KCNIP4: variants seen among roughly 807,000 people sequenced by gnomAD.
KCNIP4 encodes the protein Kv channel-interacting protein 4.
In KCNIP4, 12 loss-of-function variants were observed where a neutral mutation model predicts 34.0. The observed-to-expected ratio is 0.35, with a 90% CI of 0.23 to 0.57. The LOEUF (loss-of-function observed/expected upper bound fraction) is 0.57, where lower values mean the gene tolerates loss of function less well. KCNIP4 is among the 20% of genes least tolerant of loss of function. KCNIP4 has a pLI of 0.83. For synonymous variants in KCNIP4, 124 were observed against 102.2 expected (o/e 1.21, Z -1.29); for missense variants, 238 against 311.7 (o/e 0.76, Z 1.78).
In KCNIP4 at chr4:21,571,892, A is replaced by G. The variant is rs79139855; in HGVS notation, c.61+376679T>C. On this transcript the variant is annotated intron_variant, in intron 1 of 8. Transcript: ENST00000382152. ...CTTTGCTGAGTATTTTGCTTACATT[A>G]ATACCCCATTATCTAATCAAACTCA... Among the ~76,000 whole-genome samples, 245 of 152,312 alleles carry G rather than the reference A, an allele frequency of 1.6e-3. 1 individual carries two copies. Among genetic ancestry groups the G allele is most frequent in the African/African-American group, 5.5e-3 (230 of 41,576 alleles).
chr4:21,761,042 AAG>A (rs1718015256), intron 1 of KCNIP4, among the ~76,000 whole-genome samples: 2 of 152,146 alleles, frequency 1.3e-5, no homozygotes, highest in Non-Finnish European at 2.9e-5. Context: ...AACTGACTAT[AAG>A]AATAGGTTGA....
At chr4:21,232,139 G>A (rs1295465529) in intron 1 of KCNIP4, among the ~76,000 whole-genome samples, 4 of 152,082 alleles carry the variant, frequency 2.6e-5, no homozygotes, top group African/African-American at 7.2e-5. Context: ...TCATGTGTTG[G>A]AGACAAATGT....
chr4:20,893,518 G>A (rs1726169860), intron 1 of KCNIP4, among the ~76,000 whole-genome samples: 1 of 151,998 alleles, frequency 6.6e-6, no homozygotes, highest in Non-Finnish European at 1.5e-5. Context: ...GAACTCCTGG[G>A]CTCAAGTGAT....
intron 1 of KCNIP4, among the ~76,000 whole-genome samples, chr4:21,063,289 C>T (rs546119139): frequency 1.3e-5 from 2 of 152,058 alleles, no homozygotes; most frequent in Non-Finnish European, 2.9e-5. Flanking sequence ...TTATGGCTAG[C>T]TTTAACAGGT....
intron 1 of KCNIP4, among the ~76,000 whole-genome samples, chr4:21,758,848 C>T (rs543533894): frequency 1.3e-5 from 2 of 152,174 alleles, no homozygotes; most frequent in East Asian, 3.9e-4. Context: ...ACCTCCACTG[C>T]CCACTTGCAA....
intron 2 of KCNIP4, among the ~76,000 whole-genome samples, chr4:20,875,701 TTAAC>T (rs1250367745): frequency 6.6e-6 from 1 of 152,132 alleles, no homozygotes; most frequent in African/African-American, 2.4e-5. Context: ...ATGAGATTAA[TTAAC>T]TGTCAGAGGT....
rs1471465074 is a variant in KCNIP4, at chr4:21,609,294, C to T, written c.61+339277G>A. On this transcript the variant is annotated intron_variant, in intron 1 of 8. Coordinates refer to ENST00000382152, the MANE Select transcript of KCNIP4 (RefSeq NM_025221.6). ...TGTATGTGTGTTTGAATAAGGCATA[C>T]TGATATTATGTATTGGTCAACCACA... 2.6e-5 allele frequency among the ~76,000 whole-genome samples: 4 copies of T among 152,114 alleles called. No individual in the cohort carries two copies. The East Asian group carries it at 7.7e-4, about 29-fold the overall frequency.
chr4:21,234,268 A>T (rs1298674133), intron 1 of KCNIP4, among the ~76,000 whole-genome samples: 2 of 116,796 alleles, frequency 1.7e-5, no homozygotes, highest in Admixed American at 1.0e-4. Context: ...TAACATATAT[A>T]ACATATATTA....
chr4:21,493,895 C>T (rs960807377), intron 1 of KCNIP4, among the ~76,000 whole-genome samples: 1 of 152,184 alleles, frequency 6.6e-6, no homozygotes, highest in African/African-American at 2.4e-5. Context: ...GTGGCTCAAG[C>T]ACTATTATCT....
intron 1 of KCNIP4, among the ~76,000 whole-genome samples, chr4:21,648,067 G>A (rs1333660457): frequency 1.3e-5 from 2 of 151,474 alleles, no homozygotes; most frequent in East Asian, 2.0e-4. Flanking sequence ...TGGAGATGGG[G>A]TTTCACCGTG....
chr4:21,721,095 G>C (rs1315453126), intron 1 of KCNIP4, among the ~76,000 whole-genome samples: 1 of 152,100 alleles, frequency 6.6e-6, no homozygotes, highest in African/African-American at 2.4e-5. Flanking sequence ...TTTAACACTA[G>C]AGCCTTAGTT....
intron 1 of KCNIP4, among the ~76,000 whole-genome samples, chr4:21,073,648 C>T (rs933312034): frequency 2.0e-5 from 3 of 152,270 alleles, no homozygotes; most frequent in Non-Finnish European, 4.4e-5. Context: ...TGCCTGATTG[C>T]CCTGCCCAGA....
chr4:20,801,656 T>C (rs1300099569), intron 3 of KCNIP4, among the ~76,000 whole-genome samples: 1 of 152,022 alleles, frequency 6.6e-6, no homozygotes, highest in East Asian at 1.9e-4. Flanking sequence ...GTAAGCCTCA[T>C]GGTAACTGCA....
At chr4:21,814,422 T>C (rs561436529) in intron 1 of KCNIP4, among the ~76,000 whole-genome samples, 1 of 152,254 alleles carries the variant, frequency 6.6e-6, no homozygotes, top group South Asian at 2.1e-4. Context: ...ATAAGTCTCA[T>C]GAGATCTCAT....
At chr4:21,220,056 G>T (rs1387863085) in intron 1 of KCNIP4, among the ~76,000 whole-genome samples, 2 of 152,178 alleles carry the variant, frequency 1.3e-5, no homozygotes, top group African/African-American at 4.8e-5. Flanking sequence ...GAAACACAAA[G>T]AAGTTATTAA....
At chr4:21,156,527 A>G (rs960838055) in intron 1 of KCNIP4, among the ~76,000 whole-genome samples, 1 of 152,162 alleles carries the variant, frequency 6.6e-6, no homozygotes, top group Non-Finnish European at 1.5e-5. Flanking sequence ...ATACATGAGA[A>G]ATATACATTA....
chr4:21,546,225 T>C (rs1289286995), intron 1 of KCNIP4, among the ~76,000 whole-genome samples: 1 of 152,120 alleles, frequency 6.6e-6, no homozygotes. Context: ...ACCATATTCT[T>C]AGGTTCTACC....
At chr4:21,706,805 T>C (rs1037758683) in intron 1 of KCNIP4, among the ~76,000 whole-genome samples, 1 of 152,128 alleles carries the variant, frequency 6.6e-6, no homozygotes, top group Non-Finnish European at 1.5e-5. Flanking sequence ...TGTCACAAGT[T>C]GCAAAATTAA....
intron 1 of KCNIP4, among the ~76,000 whole-genome samples, chr4:20,885,426 C>T (rs1725191198): frequency 7.2e-6 from 1 of 139,388 alleles, no homozygotes; most frequent in Non-Finnish European, 1.6e-5. Flanking sequence ...GTCCTGTGAC[C>T]CTACCCAGAA....
Sources: gnomAD v4.1 joint callset for allele counts (sites outside exome capture counted in the v4.1 genomes callset) on GRCh38, gnomAD v4.1.1 for gene constraint, MANE v1.5 for transcripts, NCBI Gene and HGNC (gene_info 2026-07-23, HGNC 2026-07-21) for gene names.